Variants in PAQR5 observed in about 807,000 individuals in gnomAD.
PAQR5 encodes the protein membrane progestin receptor gamma.
PAQR5 carries 20 observed loss-of-function variants against 34.5 expected under a neutral mutation model. The observed-to-expected ratio is 0.58, with a 90% CI of 0.41 to 0.84. The LOEUF (loss-of-function observed/expected upper bound fraction) is 0.84, where lower values mean the gene tolerates loss of function less well. PAQR5 is among the 40% of genes least tolerant of loss of function. The pLI is 0.00. For synonymous variants in PAQR5, 131 were observed against 155.6 expected (o/e 0.84, Z 1.18); for missense variants, 378 against 412.7 (o/e 0.92, Z 0.73).
intron 1 of PAQR5, among the ~76,000 whole-genome samples, chr15:69,307,880 G>T (rs1348067692): frequency 1.3e-5 from 2 of 152,230 alleles, no homozygotes; most frequent in African/African-American, 4.8e-5. Context: ...TGGCTGGGTT[G>T]ATGGTGGTGC....
At chr15:69,389,152 C>T (rs1006139112) in intron 5 of PAQR5, among the ~76,000 whole-genome samples, 2 of 152,216 alleles carry the variant, frequency 1.3e-5, no homozygotes, top group Non-Finnish European at 2.9e-5. Flanking sequence ...ATCTTTCTAC[C>T]AGGAGCACCC....
chr15:69,300,601 CTTTCTTTCTT>C (rs2053519912), intron 1 of PAQR5, among the ~76,000 whole-genome samples: 1 of 33,282 alleles, frequency 3.0e-5, no homozygotes, highest in Non-Finnish European at 7.8e-5. Context: ...TTCTTTCTTT[CTTTCTTTCTT>C]TCTTTCTTTC....
intron 1 of PAQR5, among the ~76,000 whole-genome samples, chr15:69,325,937 C>T (rs544293515): frequency 5.3e-5 from 8 of 152,300 alleles, no homozygotes; most frequent in African/African-American, 1.9e-4. Flanking sequence ...GTCTGTGTTC[C>T]TCTCCTTGGT....
rs773280011 is a variant in PAQR5, at chr15:69,384,831, C to T, written c.334C>T (p.Arg112Trp). The T allele has an allele frequency of 2.4e-5, 38 of 1,614,008 alleles. No homozygotes were observed. The highest frequency in any genetic ancestry group is 3.3e-5 in the Admixed American group (2 of 59,986). ...HTFSSMSKNA[R>W]HICYFLDYGA... Reference sequence around the variant, plus strand: ...CTTCAGCTCTATGTCCAAGAATGCCCGGCACATTTGCTACTTCCTGGACTA... The same window carrying T: ...CTTCAGCTCTATGTCCAAGAATGCCTGGCACATTTGCTACTTCCTGGACTA... The change falls in exon 5 of 9, where the codon CGG (arginine) becomes TGG (tryptophan). Residue 112 changes from arginine (R) to tryptophan (W), a missense_variant. Transcript: ENST00000395407.
At chr15:69,349,364 G>T (rs920825552) in intron 2 of PAQR5, among the ~76,000 whole-genome samples, 10 of 152,202 alleles carry the variant, frequency 6.6e-5, no homozygotes, top group African/African-American at 2.4e-4. Context: ...CCCAAAATGT[G>T]ACCCACGAGG....
At position 69,305,184 on chromosome 15, in the gene PAQR5, G is replaced by T. The variant is rs372750603; in HGVS notation, c.-277+6128G>T. On this transcript the variant is annotated intron_variant, in intron 1 of 8. Transcript: ENST00000395407. Reference sequence around the variant, plus strand: ...CAGTAGCCCTGGCTTCTACCCAGCAGACACTGCACCATCACATCCCCTTCC... The same window carrying T: ...CAGTAGCCCTGGCTTCTACCCAGCATACACTGCACCATCACATCCCCTTCC... Among the ~76,000 whole-genome samples, 7 of 152,164 alleles carry T rather than the reference G, an allele frequency of 4.6e-5. No individual in the cohort carries two copies. In the South Asian group the frequency reaches 1.5e-3, roughly 32 times the overall value.
At chr15:69,389,836 C>T (rs540244767) in intron 6 of PAQR5, 56 bp downstream of exon 6, 427 of 1,595,396 alleles carry the variant, frequency 2.7e-4, no homozygotes, top group Non-Finnish European at 3.4e-4. Context: ...CATGCAGCTC[C>T]CTGCACTCTT....
chr15:69,397,553 A>T lies in PAQR5; in HGVS notation c.598A>T (p.Ile200Phe). ...TCCGTACACCTGGGACTCCCTCCCCATCTTCTACAGGGTAAGGACTGGCTG... is the reference window on the plus strand; with the variant it reads ...TCCGTACACCTGGGACTCCCTCCCCTTCTTCTACAGGGTAAGGACTGGCTG... ...AYPYTWDSLP[I>F]FYRLFLFPGE... The change falls in exon 7 of 9, where the codon ATC becomes TTC. Residue 200 changes from isoleucine (I) to phenylalanine (F), a missense_variant. By Grantham distance (21) the Ile-to-Phe change is conservative (BLOSUM62 0). Transcript: ENST00000395407. 1 of 1,605,252 alleles carries T rather than the reference A, an allele frequency of 6.2e-7. No individual in the cohort carries two copies. Among genetic ancestry groups the T allele is most frequent in the African/African-American group, 1.3e-5 (1 of 74,880 alleles).
chr15:69,391,747 T>A, intron 6 of PAQR5: 1 of 453,612 alleles, frequency 2.2e-6, no homozygotes, highest in Non-Finnish European at 4.4e-6. Flanking sequence ...GAAGGCTTCG[T>A]GAGTGTGGAA....
At chr15:69,378,264 TA>T (rs71149912) in intron 3 of PAQR5, among the ~76,000 whole-genome samples, 11 of 59,688 alleles carry the variant, frequency 1.8e-4, no homozygotes, top group African/African-American at 9.3e-4. Flanking sequence ...GACTCCATCT[TA>T]AAAAAAAAAA....
chr15:69,388,472 C>G (rs1233445635), intron 5 of PAQR5, among the ~76,000 whole-genome samples: 3 of 152,230 alleles, frequency 2.0e-5, no homozygotes, highest in Non-Finnish European at 2.9e-5. Context: ...TCTTTTGCTT[C>G]TGGCTGCGGT....
At chr15:69,343,312 T>G (rs1363971745) in intron 2 of PAQR5, among the ~76,000 whole-genome samples, 3 of 152,254 alleles carry the variant, frequency 2.0e-5, no homozygotes, top group African/African-American at 7.2e-5. Context: ...TGTGTTCCTT[T>G]ATTAGGATAA....
At chr15:69,300,223 T>G (rs1207472718) in intron 1 of PAQR5, among the ~76,000 whole-genome samples, 1 of 152,024 alleles carries the variant, frequency 6.6e-6, no homozygotes, top group African/African-American at 2.4e-5. Flanking sequence ...CTCCAGTCAG[T>G]AAGGTCCTCC....
intron 6 of PAQR5, among the ~76,000 whole-genome samples, chr15:69,396,323 G>C (rs1003078880): frequency 6.6e-6 from 1 of 151,758 alleles, no homozygotes; most frequent in Non-Finnish European, 1.5e-5. Flanking sequence ...CGAGGTTCTT[G>C]GGAGCAGAGA....
chr15:69,324,125 AG>A, intron 1 of PAQR5, among the ~76,000 whole-genome samples: 1 of 61,326 alleles, frequency 1.6e-5, no homozygotes. Flanking sequence ...TGGGATAGCT[AG>A]GGCAAAAAAA....
At chr15:69,317,815 T>G (rs1254912143) in intron 1 of PAQR5, among the ~76,000 whole-genome samples, 1 of 152,118 alleles carries the variant, frequency 6.6e-6, no homozygotes, top group Non-Finnish European at 1.5e-5. Context: ...TCCCACCTCT[T>G]GCCTCTCTGA....
chr15:69,316,976 G>C (rs1406190128), intron 1 of PAQR5, among the ~76,000 whole-genome samples: 1 of 152,126 alleles, frequency 6.6e-6, no homozygotes, highest in African/African-American at 2.4e-5. Flanking sequence ...CACGCCACTA[G>C]GCCTGGGTAA....
chr15:69,382,256 G>A (rs745572776), intron 4 of PAQR5, among the ~76,000 whole-genome samples: 119 of 152,234 alleles, frequency 7.8e-4, no homozygotes, highest in Non-Finnish European at 1.3e-3. Context: ...TGGTGGTAAC[G>A]CCACATTTAG....
intron 1 of PAQR5, among the ~76,000 whole-genome samples, chr15:69,327,083 C>T (rs1368801858): frequency 6.6e-6 from 1 of 152,000 alleles, no homozygotes; most frequent in Admixed American, 6.6e-5. Flanking sequence ...ACCTCAGGCT[C>T]ATGTGATTCT....
Sources: allele counts gnomAD v4.1 joint callset (sites outside exome capture counted in the v4.1 genomes callset), GRCh38; gene constraint gnomAD v4.1.1; transcripts MANE v1.5; gene names NCBI Gene and HGNC (gene_info 2026-07-23, HGNC 2026-07-21).